TRDN: variants seen among roughly 807,000 people sequenced by gnomAD.
The protein encoded by TRDN is triadin.
Under a neutral mutation model 149.7 loss-of-function variants are expected in TRDN, and 161 were observed. The observed-to-expected ratio is 1.08, with a 90% CI of 0.95 to 1.23. The LOEUF is 1.23. Among genes scored for constraint, TRDN ranks in the 50% most tolerant of loss-of-function variants. The probability of loss-of-function intolerance (pLI) is 0.00; values close to 1 mark genes in which losing one functional copy is unlikely to be tolerated. For synonymous variants in TRDN, 294 were observed against 250.5 expected, an observed-to-expected ratio of 1.17 and a Z score of -1.64; for missense variants, 896 against 823.5, an observed-to-expected ratio of 1.09 and a Z score of -1.08.
rs113022649 is a variant in TRDN at position 123,612,598 on chromosome 6, C to T, written c.22+24156G>A. Among the ~76,000 whole-genome samples, 659 of 152,104 alleles carry T rather than the reference C, an allele frequency of 4.3e-3. 6 individuals are homozygous for T. Among genetic ancestry groups the T allele is most frequent in the South Asian group, 0.015 (72 of 4,818 alleles). ...TTTAAGTGCAGTGGCTGTTCACATG[C>T]CTGATCATCATGTATCACAGCTTTG... is the stretch of plus-strand genomic sequence containing the variant. On this transcript the variant is annotated intron_variant, in intron 1 of 40. Coordinates refer to ENST00000334268, the MANE Select transcript of TRDN (RefSeq NM_006073.4).
chr6:123,497,072 A>G, intron 9 of TRDN, 121 bp downstream of exon 9: 1 of 671,852 alleles, frequency 1.5e-6, no homozygotes, highest in Non-Finnish European at 2.3e-6. Flanking sequence ...GTTTTATTCT[A>G]GATCTACACA....
intron 20 of TRDN, among the ~76,000 whole-genome samples, 176 bp downstream of exon 20, chr6:123,365,959 T>G (rs1465461356): frequency 1.3e-5 from 2 of 152,192 alleles, no homozygotes; most frequent in African/African-American, 4.8e-5. Flanking sequence ...GGAATAAAAC[T>G]ATAGGCTTTA....
chr6:123,571,852 C>G (rs1782597782), intron 1 of TRDN, among the ~76,000 whole-genome samples: 1 of 151,870 alleles, frequency 6.6e-6, no homozygotes, highest in Non-Finnish European at 1.5e-5. Flanking sequence ...TCTCAAAATA[C>G]CATTTAAGTG....
At chr6:123,424,501 C>CTAGTTAAA (rs370273611) in intron 12 of TRDN, among the ~76,000 whole-genome samples, 46 of 151,604 alleles carry the variant, frequency 3.0e-4, no homozygotes, top group African/African-American at 1.0e-3. Flanking sequence ...TTTTAACTTG[C>CTAGTTAAA]TAGTTAAATA....
intron 23 of TRDN, among the ~76,000 whole-genome samples, chr6:123,321,261 G>A (rs952030024): frequency 1.3e-5 from 2 of 152,030 alleles, no homozygotes; most frequent in African/African-American, 2.4e-5. Flanking sequence ...GAAGTACTTC[G>A]AATGGTGCCA....
intron 30 of TRDN, among the ~76,000 whole-genome samples, chr6:123,270,679 A>G (rs1422119727): frequency 6.6e-6 from 1 of 151,962 alleles, no homozygotes; most frequent in Non-Finnish European, 1.5e-5. Flanking sequence ...TGTTCTGTTG[A>G]TCATTCTCTA....
At chr6:123,346,550 G>A (rs1466368500) in intron 21 of TRDN, among the ~76,000 whole-genome samples, 1 of 151,908 alleles carries the variant, frequency 6.6e-6, no homozygotes, top group Admixed American at 6.6e-5. Flanking sequence ...AATAAAAGCC[G>A]ATGCTATTTC....
At chr6:123,593,767 T>A (rs779172520) in intron 1 of TRDN, among the ~76,000 whole-genome samples, 2 of 152,184 alleles carry the variant, frequency 1.3e-5, no homozygotes, top group Non-Finnish European at 2.9e-5. Context: ...ATACTCTGAG[T>A]TTCTGGGAAT....
At chr6:123,509,424 C>A (rs886223433) in intron 7 of TRDN, 1 of 152,052 alleles carries the variant, frequency 6.6e-6, no homozygotes, top group African/African-American at 2.4e-5. Flanking sequence ...TAATTTCTGT[C>A]TTCCTGTTTC....
intron 3 of TRDN, 31 bp downstream of exon 3, chr6:123,548,423 G>A (rs1290132859): frequency 1.4e-6 from 2 of 1,439,270 alleles, no homozygotes; most frequent in Non-Finnish European, 1.8e-6. Context: ...GTTGCTCCTA[G>A]CAGTTAGATA....
intron 16 of TRDN, among the ~76,000 whole-genome samples, chr6:123,378,423 G>T (rs1473383078): frequency 6.6e-6 from 1 of 150,460 alleles, no homozygotes; most frequent in Non-Finnish European, 1.5e-5. Context: ...GGGATTACAG[G>T]CACACACCAC....
intron 12 of TRDN, among the ~76,000 whole-genome samples, chr6:123,418,230 G>T (rs1483249166): frequency 6.6e-6 from 1 of 152,020 alleles, no homozygotes; most frequent in Non-Finnish European, 1.5e-5. Context: ...TTGCCCTCCA[G>T]CAACTCAGTA....
intron 12 of TRDN, among the ~76,000 whole-genome samples, chr6:123,401,390 A>G (rs1772965396): frequency 6.6e-6 from 1 of 152,272 alleles, no homozygotes; most frequent in South Asian, 2.1e-4. Context: ...CAGATTAAAC[A>G]GGGGGTTAGG....
At chr6:123,615,234 G>A (rs1384130659) in intron 1 of TRDN, among the ~76,000 whole-genome samples, 2 of 152,134 alleles carry the variant, frequency 1.3e-5, no homozygotes, top group Non-Finnish European at 2.9e-5. Context: ...ATGAAAAATA[G>A]TATGGGGCTT....
At chr6:123,320,862 C>T (rs1005805838) in intron 23 of TRDN, among the ~76,000 whole-genome samples, 47 of 150,532 alleles carry the variant, frequency 3.1e-4, no homozygotes, top group African/African-American at 1.1e-3. Flanking sequence ...AATCATGAAT[C>T]GTATTATATA....
At chr6:123,327,420 G>T (rs1457969071) in intron 23 of TRDN, among the ~76,000 whole-genome samples, 2 of 151,812 alleles carry the variant, frequency 1.3e-5, no homozygotes, top group Admixed American at 1.3e-4. Flanking sequence ...TTTTTTATAT[G>T]AATCTATACA....
chr6:123,612,207 C>T (rs1208868205), intron 1 of TRDN, among the ~76,000 whole-genome samples: 7 of 123,766 alleles, frequency 5.7e-5, no homozygotes, highest in Non-Finnish European at 1.1e-4. Context: ...CCAGCCTGGC[C>T]AACATGGTGA....
At chr6:123,516,103 A>C in intron 6 of TRDN, 38 bp downstream of exon 6, 12 of 1,432,576 alleles carry the variant, frequency 8.4e-6, no homozygotes, top group Non-Finnish European at 1.1e-5. Flanking sequence ...ATGGGAAAGG[A>C]CTCAGTGTGT....
In TRDN at chr6:123,567,084, T is replaced by A. The variant is rs114201606; in HGVS notation, c.232+3839A>T. On this transcript the variant is annotated intron_variant, in intron 2 of 40. Transcript: ENST00000334268. ...CAATGCCTATGTTACTGGCATTTCA[T>A]CTGATAGGGAAATACTTCAGTCAAT... Among the ~76,000 whole-genome samples, 95 of 152,330 alleles carry A rather than the reference T, an allele frequency of 6.2e-4. 1 individual carries two copies. The highest frequency in any genetic ancestry group is 2.2e-3 in the African/African-American group (93 of 41,586).
Sources: allele counts gnomAD v4.1 joint callset (sites outside exome capture counted in the v4.1 genomes callset), GRCh38; gene constraint gnomAD v4.1.1; transcripts MANE v1.5; gene names NCBI Gene and HGNC (gene_info 2026-07-23, HGNC 2026-07-21).